The following SH3D19 variants were observed in gnomAD, a reference collection of about 807,000 sequenced individuals.
SH3D19 encodes the protein SH3 domain-containing protein 19.
Under a neutral mutation model 112.1 loss-of-function variants are expected in SH3D19, and 58 were observed. That is an observed-to-expected ratio of 0.52 (90% CI 0.42 to 0.64). The LOEUF is 0.64. Ranked by LOEUF, SH3D19 falls within the 30% of genes least tolerant of loss-of-function variation. SH3D19 has a pLI of 0.00. For missense variants in SH3D19, 1,090 were observed against 1,263.4 expected, an observed-to-expected ratio of 0.86 and a Z score of 2.08; for synonymous variants, 391 against 448.5, an observed-to-expected ratio of 0.87 and a Z score of 1.62.
chr4:151,281,257 T>G (rs375152212), intron 1 of SH3D19, among the ~76,000 whole-genome samples: 1 of 152,134 alleles, frequency 6.6e-6, no homozygotes, highest in African/African-American at 2.4e-5. Flanking sequence ...AGACTGGTGA[T>G]GGGTATAAAG....
At chr4:151,208,524 C>T (rs537217296) in intron 2 of SH3D19, among the ~76,000 whole-genome samples, 4 of 152,222 alleles carry the variant, frequency 2.6e-5, no homozygotes, top group South Asian at 2.1e-4. Flanking sequence ...GCATGCGGCA[C>T]GAAACCTGGC....
At chr4:151,295,422 T>C (rs1775634492) in intron 1 of SH3D19, among the ~76,000 whole-genome samples, 1 of 152,222 alleles carries the variant, frequency 6.6e-6, no homozygotes, top group Non-Finnish European at 1.5e-5. Context: ...CTATGTGCTG[T>C]CTTACCGTCC....
chr4:151,124,717 T>C (rs1434908245), intron 19 of SH3D19, among the ~76,000 whole-genome samples: 1 of 151,682 alleles, frequency 6.6e-6, no homozygotes, highest in Non-Finnish European at 1.5e-5. Flanking sequence ...ACAAGACTCC[T>C]TCTCTAAAAA....
intron 2 of SH3D19, among the ~76,000 whole-genome samples, chr4:151,195,269 G>A (rs1212020258): frequency 1.3e-5 from 2 of 149,466 alleles, no homozygotes; most frequent in Admixed American, 6.7e-5. Flanking sequence ...CTACTCGGGA[G>A]GCTGAGGCAG....
chr4:151,257,096 TTTA>T (rs1268702290), intron 1 of SH3D19, among the ~76,000 whole-genome samples: 2 of 152,020 alleles, frequency 1.3e-5, no homozygotes, highest in African/African-American at 4.8e-5. Context: ...TGTTTGTTTA[TTTA>T]TTTTTTGAGA....
chr4:151,167,085 C>T (rs1281184716), intron 7 of SH3D19, among the ~76,000 whole-genome samples: 1 of 151,482 alleles, frequency 6.6e-6, no homozygotes, highest in Non-Finnish European at 1.5e-5. Flanking sequence ...ATAGATGACT[C>T]CTCTGTGGAA....
chr4:151,206,558 G>A (rs1765140292), intron 2 of SH3D19, among the ~76,000 whole-genome samples: 1 of 152,030 alleles, frequency 6.6e-6, no homozygotes, highest in African/African-American at 2.4e-5. Context: ...ATAAATTCTA[G>A]AATCAAGGCT....
At chr4:151,210,644 G>A (rs779820501) in intron 2 of SH3D19, among the ~76,000 whole-genome samples, 2 of 151,952 alleles carry the variant, frequency 1.3e-5, no homozygotes, top group Admixed American at 6.6e-5. Context: ...CTTGTGATCC[G>A]CCTGCCTCGG....
chr4:151,179,595 T>C (rs1197703981), intron 3 of SH3D19, among the ~76,000 whole-genome samples, 198 bp from the exon 4 acceptor site: 1 of 152,192 alleles, frequency 6.6e-6, no homozygotes, highest in African/African-American at 2.4e-5. Context: ...ATATTAGAGA[T>C]TGCATAATAC....
At chr4:151,215,261 G>A (rs1005481135) in intron 2 of SH3D19, among the ~76,000 whole-genome samples, 10 of 152,104 alleles carry the variant, frequency 6.6e-5, no homozygotes, top group Non-Finnish European at 1.5e-4. Context: ...AGTTTATAAG[G>A]CCTCTTCTAC....
At chr4:151,281,026 G>A (rs557134981) in intron 1 of SH3D19, among the ~76,000 whole-genome samples, 8 of 152,198 alleles carry the variant, frequency 5.3e-5, no homozygotes, top group Non-Finnish European at 1.2e-4. Context: ...GGGAAAAACA[G>A]GAAAACACAG....
intron 2 of SH3D19, among the ~76,000 whole-genome samples, chr4:151,203,224 C>T (rs971355718): frequency 6.6e-6 from 1 of 152,128 alleles, no homozygotes; most frequent in African/African-American, 2.4e-5. Flanking sequence ...ACCCCATCAT[C>T]GCCACCAGCC....
intron 1 of SH3D19, among the ~76,000 whole-genome samples, chr4:151,322,412 G>A (rs577028832): frequency 1.3e-4 from 16 of 124,056 alleles, no homozygotes; most frequent in Admixed American, 1.0e-4. Flanking sequence ...CAGCCTGGGC[G>A]ACAGAGCAAG....
chr4:151,251,198 CTTT>C (rs11368412), intron 1 of SH3D19, among the ~76,000 whole-genome samples: 2 of 142,566 alleles, frequency 1.4e-5, no homozygotes, highest in Admixed American at 7.0e-5. Flanking sequence ...TCTTTTTTTC[CTTT>C]TTTTTTTTTT....
intron 1 of SH3D19, among the ~76,000 whole-genome samples, chr4:151,307,776 C>T (rs17634030): frequency 0.31 from 47,220 of 152,140 alleles, 7,716 homozygotes; most frequent in East Asian, 0.47. Context: ...TATTAGCATG[C>T]GTGGTTTCCC....
intron 16 of SH3D19, 62 bp downstream of exon 16, chr4:151,132,972 T>C: frequency 7.6e-7 from 1 of 1,318,692 alleles, no homozygotes. Flanking sequence ...TTAAGTATAA[T>C]GATATTATTT....
At position 151,180,573 on chromosome 4, in the gene SH3D19, A is replaced by G. The variant is rs547966741; in HGVS notation, c.194-1176T>C. ...AGGCGCCCGCGACCATGCCTGGCTA[A>G]TTTTTTATATTTTTAGTAGATACGG... On this transcript the variant is annotated intron_variant, in intron 3 of 19. Transcript: ENST00000604030. 6.0e-5 allele frequency among the ~76,000 whole-genome samples: 9 copies of G among 149,078 alleles called. No homozygotes were observed. The South Asian group carries it at 1.3e-3, about 21-fold the overall frequency.
At chr4:151,125,658 C>T (rs1337793418) in intron 19 of SH3D19, among the ~76,000 whole-genome samples, 3 of 151,214 alleles carry the variant, frequency 2.0e-5, no homozygotes, top group African/African-American at 7.3e-5. Context: ...TTGATTCCAG[C>T]CTGGCCAGTA....
chr4:151,194,016 A>AT (rs201719037), intron 2 of SH3D19, among the ~76,000 whole-genome samples: 3,231 of 111,568 alleles, frequency 0.029, 422 homozygotes, highest in African/African-American at 0.097. Context: ...AGTAGGATTA[A>AT]TTTTTTTTTT....
Sources: allele counts gnomAD v4.1 joint callset (sites outside exome capture counted in the v4.1 genomes callset), GRCh38; gene constraint gnomAD v4.1.1; transcripts MANE v1.5; gene names NCBI Gene and HGNC (gene_info 2026-07-23, HGNC 2026-07-21).